Variants in STAR observed in about 807,000 individuals in gnomAD.
The protein encoded by STAR is steroidogenic acute regulatory protein, mitochondrial.
STAR carries 32 observed loss-of-function variants against 32.3 expected under a neutral mutation model. The ratio of observed to expected loss-of-function variants is 0.99; its 90% confidence interval spans 0.75 to 1.33. STAR has a LOEUF of 1.33. STAR is among the 40% of genes most tolerant of loss of function. STAR has a pLI of 0.00. For synonymous variants in STAR, 134 were observed against 140.5 expected (o/e 0.95, Z 0.33); for missense variants, 375 against 379.0 (o/e 0.99, Z 0.09).
In STAR at chr8:38,143,152, T is replaced by C. The variant is rs529269397; in HGVS notation, c.*1121A>G. 6.6e-6 allele frequency among the ~76,000 whole-genome samples: 1 copy of C among 152,302 alleles called. No homozygotes were observed. The highest frequency in any genetic ancestry group is 6.5e-5 in the Admixed American group (1 of 15,290). On this transcript the variant is annotated 3_prime_UTR_variant, in exon 7 of 7. Transcript: ENST00000276449. ...TTAGGTTATGATTATGGAAATTAAA[T>C]TTTTATGAAAGATCCTGGTAACAGA...
In STAR at chr8:38,144,109, A is replaced by C. The variant is rs1802516880; in HGVS notation, c.*164T>G. On this transcript the variant is annotated 3_prime_UTR_variant, in exon 7 of 7. Coordinates refer to ENST00000276449, the MANE Select transcript of STAR (RefSeq NM_000349.3). ...TCATCCCTGTTTTCTTGGTACTAAA[A>C]ACTTTCACCAATCTGAATCCTAGTG... is the stretch of plus-strand genomic sequence containing the variant. 7 of 731,456 alleles carry C rather than the reference A, an allele frequency of 9.6e-6. No homozygotes were observed. The highest frequency in any genetic ancestry group is 1.7e-5 in the Non-Finnish European group (7 of 422,040). 45.3% of individuals were successfully genotyped at this position (731,456 alleles called of 1,614,324 possible).
In STAR at chr8:38,143,842, CCT is replaced by C; in HGVS notation, c.*429_*430del. ...GGAGGAGCAGAGGGCTGCAGGAGAC[CCT>C]CTGAGATTCTGCTTTGTGCACATGT... On this transcript the variant is annotated 3_prime_UTR_variant, in exon 7 of 7. Coordinates refer to ENST00000276449, the MANE Select transcript of STAR (RefSeq NM_000349.3). 3.5e-6 allele frequency: 1 copy of C among 287,084 alleles called. No homozygotes were observed. Among genetic ancestry groups the C allele is most frequent in the South Asian group, 3.3e-5 (1 of 30,014 alleles). 17.8% of individuals were successfully genotyped at this position (287,084 alleles called of 1,614,324 possible).
rs529036391 is a variant in STAR at position 38,148,661 on chromosome 8, C to A, written c.158G>T (p.Arg53Leu). 567 of 1,614,150 alleles carry A rather than the reference C, an allele frequency of 3.5e-4. 5 individuals are homozygous for A. The South Asian group carries it at 5.8e-3, about 17-fold the overall frequency. Residue 53 changes from arginine (R) to leucine (L), a missense_variant, in exon 2 of 7, where the codon CGG becomes CTG. Physicochemically the swap from Arg to Leu is moderately radical, Grantham distance 102. Transcript: ENST00000276449. Reference sequence around the variant, plus strand: ...CTTACCGAGTAGAGAGCTCCGCCGCCGAACCTGGTTAATCCACGTGCTAGG... The same window carrying A: ...CTTACCGAGTAGAGAGCTCCGCCGCAGAACCTGGTTAATCCACGTGCTAGG... ...PTPSTWINQVRRRSSLLGSRL... is the reference protein window; with the variant it reads ...PTPSTWINQVLRRSSLLGSRL...
In STAR at chr8:38,144,495, A is replaced by T. The variant is rs573769191; in HGVS notation, c.745-109T>A. The T allele has an allele frequency of 3.3e-6, 5 of 1,526,228 alleles. No homozygotes were observed. In the Admixed American group the frequency reaches 6.0e-5, roughly 18 times the overall value. The allele number at this position is 1,526,228 out of a possible 1,614,324, so 94.5% of individuals were successfully genotyped here. A position where few individuals can be genotyped will look rare whatever the true frequency, so the allele number is the denominator to read the frequency against. ...AGGGGCTTGGTCTTCGAGCTCTGTT[A>T]ATAGGTGCAGCCTTGGAGTTGCCCA... On this transcript the variant is annotated intron_variant, in intron 6 of 6. Coordinates refer to ENST00000276449, the MANE Select transcript of STAR (RefSeq NM_000349.3).
intron 2 of STAR, 61 bp from the exon 3 acceptor site, chr8:38,148,388 A>T (rs1204105242): frequency 6.2e-7 from 1 of 1,603,062 alleles, no homozygotes; most frequent in Non-Finnish European, 8.5e-7. Context: ...ACCAGCTCTC[A>T]TCCCTGGAGC....
intron 1 of STAR, chr8:38,149,128 G>T: frequency 3.3e-6 from 1 of 298,602 alleles, no homozygotes; most frequent in Non-Finnish European, 6.6e-6. Flanking sequence ...GAGTCTGTGT[G>T]TCTGCACGAG....
Position 38,146,351 on chromosome 8 carries a change from C to T in STAR, c.403G>A (p.Glu135Lys), listed in dbSNP as rs755369039. 2.5e-6 allele frequency: 4 copies of T among 1,614,182 alleles called. No homozygotes were observed. The highest frequency in any genetic ancestry group is 1.7e-5 in the Admixed American group (1 of 60,024). ...GCTTCCATGCGCTCCACGAGCTCTT[C>T]ATAGAGCCTCTCCATGGGCTGGTCC... is the stretch of plus-strand genomic sequence containing the variant. ...VVDQPMERLYEELVERMEAMG... is the reference protein window; with the variant it reads ...VVDQPMERLYKELVERMEAMG... The change falls in exon 4 of 7, where the codon GAA becomes AAA. Residue 135 changes from glutamate (E) to lysine (K), a missense_variant. Transcript: ENST00000276449.
chr8:38,145,846 G>T, intron 5 of STAR, 117 bp downstream of exon 5: 2 of 1,291,124 alleles, frequency 1.5e-6, no homozygotes, highest in Non-Finnish European at 2.2e-6. Context: ...GTAGAAGGAA[G>T]CCATGGGTGC....
chr8:38,148,783 A>G, intron 1 of STAR, 29 bp from the exon 2 acceptor site: 2 of 1,580,152 alleles, frequency 1.3e-6, no homozygotes, highest in Non-Finnish European at 1.7e-6. Context: ...CTTGTCTAGG[A>G]GCTGGAAAGC....
At chr8:38,149,024 T>G in intron 1 of STAR, 1 of 485,074 alleles carries the variant, frequency 2.1e-6, no homozygotes, top group Non-Finnish European at 3.8e-6. Flanking sequence ...TGCTGGAGTT[T>G]CTGTCTCTAA....
chr8:38,150,401 A>G lies in STAR; in HGVS notation c.64+354T>C, dbSNP rs983169712. Among the ~76,000 whole-genome samples, 6 of 151,604 alleles carry G rather than the reference A, an allele frequency of 4.0e-5. No homozygotes were observed. The South Asian group carries it at 1.2e-3, about 32-fold the overall frequency. On this transcript the variant is annotated intron_variant, in intron 1 of 6. Coordinates refer to ENST00000276449, the MANE Select transcript of STAR (RefSeq NM_000349.3). ...GTGACAGAGACCTTTATTCAAACAA[A>G]AAAAAAAGAAAAGGCGGAAGAAAAA...
Position 38,145,299 on chromosome 8 carries a change from T to G in STAR, c.667A>C (p.Thr223Pro), listed in dbSNP as rs765968833. ...GCCAACGGGTGAAGCACCATGCAAGTGGGACCGTGCTCCGCCCTGGCAAAT... is the reference window on the plus strand; with the variant it reads ...GCCAACGGGTGAAGCACCATGCAAGGGGGACCGTGCTCCGCCCTGGCAAAT... Reference protein sequence around the residue: ...KGVIRAEHGPTCMVLHPLAGS... With the variant: ...KGVIRAEHGPPCMVLHPLAGS... Residue 223 changes from threonine (T) to proline (P), a missense_variant, in exon 6 of 7, where the codon ACT (threonine) becomes CCT (proline). Transcript: ENST00000276449. 2 of 1,614,062 alleles carry G rather than the reference T, an allele frequency of 1.2e-6. No homozygotes were observed. Among genetic ancestry groups the G allele is most frequent in the Non-Finnish European group, 1.7e-6 (2 of 1,180,052 alleles).
chr8:38,144,659 T>C, intron 6 of STAR: 1 of 1,265,350 alleles, frequency 7.9e-7, no homozygotes, highest in East Asian at 4.1e-5. Flanking sequence ...ACCCTTCAGA[T>C]CTCTGGACCT....
intron 2 of STAR, 50 bp from the exon 3 acceptor site, chr8:38,148,377 C>T (rs1802612331): frequency 1.2e-6 from 2 of 1,610,272 alleles, no homozygotes; most frequent in Middle Eastern, 1.8e-4. Flanking sequence ...TCCCAGCCTC[C>T]ACCAGCTCTC....
At position 38,148,877 on chromosome 8, in the gene STAR, G is replaced by A. The variant is rs368884651; in HGVS notation, c.65-123C>T. ...GGAGAGGGAAGTGACTTGCTCAGGA[G>A]CACACAGGATTCTAGCAGGGACCTG... On this transcript the variant is annotated intron_variant, in intron 1 of 6. Coordinates refer to ENST00000276449, the MANE Select transcript of STAR (RefSeq NM_000349.3). The A allele has an allele frequency of 5.4e-3, 4,131 of 771,136 alleles. 159 individuals carry two copies. In the South Asian group the frequency reaches 0.059, roughly 11 times the overall value. 47.8% of individuals were successfully genotyped at this position (771,136 alleles called of 1,614,324 possible). A position where few individuals can be genotyped will look rare whatever the true frequency, so the allele number is the denominator to read the frequency against.
chr8:38,150,783 G>C lies in STAR; in HGVS notation c.36C>G (p.Ser12Arg). ...TCATGTTGCGCATGTGTCTGTAGGAGCTCCCAGCGCACAGCTTGAATGTCG... is the reference window on the plus strand; with the variant it reads ...TCATGTTGCGCATGTGTCTGTAGGACCTCCCAGCGCACAGCTTGAATGTCG... ...LLATFKLCAGSSYRHMRNMKG... is the reference protein window; with the variant it reads ...LLATFKLCAGRSYRHMRNMKG... Residue 12 changes from serine (S) to arginine (R), a missense_variant, in exon 1 of 7, where the codon AGC (serine) becomes AGG (arginine). Physicochemically the swap from Ser to Arg is moderately radical, Grantham distance 110. Coordinates refer to ENST00000276449, the MANE Select transcript of STAR (RefSeq NM_000349.3). The C allele has an allele frequency of 6.2e-7, 1 of 1,607,134 alleles. No individual in the cohort carries two copies. The highest frequency in any genetic ancestry group is 8.5e-7 in the Non-Finnish European group (1 of 1,179,986).
chr8:38,145,730 A>G, intron 5 of STAR: 1 of 614,200 alleles, frequency 1.6e-6, no homozygotes, highest in African/African-American at 1.8e-5. Flanking sequence ...TCAGAAAATT[A>G]TTAAGGTTCT....
chr8:38,148,477 C>T, intron 2 of STAR, 150 bp from the exon 3 acceptor site: 1 of 1,392,040 alleles, frequency 7.2e-7, no homozygotes, highest in South Asian at 1.2e-5. Flanking sequence ...ATCACAGCCG[C>T]CCCAGGTGAC....
At chr8:38,148,069 TC>T (rs1455982429) in intron 3 of STAR, 130 bp downstream of exon 3, 1 of 1,254,648 alleles carries the variant, frequency 8.0e-7, no homozygotes, top group Non-Finnish European at 1.1e-6. Flanking sequence ...AGGAGAGTTC[TC>T]AAGATAAAAC....
Sources: allele counts gnomAD v4.1 joint callset (sites outside exome capture counted in the v4.1 genomes callset), GRCh38; gene constraint gnomAD v4.1.1; transcripts MANE v1.5; gene names NCBI Gene and HGNC (gene_info 2026-07-23, HGNC 2026-07-21).